The following CNTNAP2 variants were observed in gnomAD, a reference collection of about 807,000 sequenced individuals.
CNTNAP2 encodes the protein contactin-associated protein-like 2.
In CNTNAP2, 98 loss-of-function variants were observed where a neutral mutation model predicts 155.2. The ratio of observed to expected loss-of-function variants is 0.63; its 90% confidence interval spans 0.54 to 0.75. CNTNAP2 has a LOEUF of 0.75. CNTNAP2 is among the 30% of genes least tolerant of loss of function. The pLI, the probability that CNTNAP2 is intolerant of heterozygous loss-of-function variation, is 0.00. For synonymous variants in CNTNAP2, 651 were observed against 631.2 expected, an observed-to-expected ratio of 1.03 and a Z score of -0.47; for missense variants, 1,727 against 1,688.1, an observed-to-expected ratio of 1.02 and a Z score of -0.40.
intron 14 of CNTNAP2, among the ~76,000 whole-genome samples, chr7:147,976,964 G>T (rs1364343663): frequency 6.6e-6 from 1 of 151,922 alleles, no homozygotes; most frequent in Non-Finnish European, 1.5e-5. Context: ...ACACTGCTTT[G>T]TGCCTCCCAC....
At chr7:147,345,875 G>T (rs967191988) in intron 9 of CNTNAP2, among the ~76,000 whole-genome samples, 7 of 152,094 alleles carry the variant, frequency 4.6e-5, no homozygotes, top group African/African-American at 7.2e-5. Context: ...TTGTAGCAAG[G>T]AACTAGAATC....
chr7:148,037,575 TC>T (rs1802594547), intron 15 of CNTNAP2, among the ~76,000 whole-genome samples: 1 of 152,126 alleles, frequency 6.6e-6, no homozygotes, highest in South Asian at 2.1e-4. Flanking sequence ...AATACAGTAG[TC>T]CCCCCTTGTC....
At chr7:147,487,747 G>T (rs1434227083) in intron 11 of CNTNAP2, among the ~76,000 whole-genome samples, 5 of 152,068 alleles carry the variant, frequency 3.3e-5, no homozygotes, top group African/African-American at 1.2e-4. Context: ...AGTAGCTGAG[G>T]TTTGTTTTGT....
chr7:146,204,119 G>A (rs1479684959), intron 1 of CNTNAP2, among the ~76,000 whole-genome samples: 1 of 151,990 alleles, frequency 6.6e-6, no homozygotes, highest in Non-Finnish European at 1.5e-5. Context: ...GAAAATTCTT[G>A]TAAAACTTTG....
intron 13 of CNTNAP2, among the ~76,000 whole-genome samples, chr7:147,666,620 C>T (rs772864768): frequency 1.3e-5 from 2 of 152,186 alleles, no homozygotes; most frequent in Non-Finnish European, 2.9e-5. Context: ...CCAGCAGCAG[C>T]CTCATACATC....
intron 3 of CNTNAP2, among the ~76,000 whole-genome samples, chr7:147,015,090 G>GTTTTTTTTTTTTTTTTTTTTTT (rs756258642): frequency 6.9e-6 from 1 of 144,098 alleles, no homozygotes. Context: ...TGACACAGTG[G>GTTTTTTTTTTTTTTTTTTTTTT]TTTTTTTTTT....
At chr7:146,694,177 C>T (rs897902528) in intron 1 of CNTNAP2, among the ~76,000 whole-genome samples, 4 of 152,118 alleles carry the variant, frequency 2.6e-5, no homozygotes, top group African/African-American at 9.6e-5. Context: ...AATTAAAACT[C>T]AGCATCTAGA....
intron 12 of CNTNAP2, among the ~76,000 whole-genome samples, chr7:147,620,678 G>A (rs1476613779): frequency 6.6e-6 from 1 of 151,862 alleles, no homozygotes; most frequent in Non-Finnish European, 1.5e-5. Flanking sequence ...CAGGTTATTT[G>A]AAAATGCACA....
chr7:146,766,650 C>T (rs577433062), intron 1 of CNTNAP2, among the ~76,000 whole-genome samples: 1 of 152,180 alleles, frequency 6.6e-6, no homozygotes, highest in Non-Finnish European at 1.5e-5. Context: ...CTACCCATCT[C>T]AATGGGTTAC....
At chr7:147,414,078 G>A (rs1842274) in intron 10 of CNTNAP2, among the ~76,000 whole-genome samples, 26,587 of 151,992 alleles carry the variant, frequency 0.17, 2,946 homozygotes, top group Non-Finnish European at 0.25. Context: ...CATGTTTTAC[G>A]TTACATATTA....
chr7:146,250,001 C>T lies in CNTNAP2; in HGVS notation c.97+133028C>T, dbSNP rs932358951. ...TACATTTTATTTTAAAATTCCTGCC[C>T]GTCTTTTTCTCTTGAAGAGATAAGA... On this transcript the variant is annotated intron_variant, in intron 1 of 23. Transcript: ENST00000361727. Among the ~76,000 whole-genome samples the T allele has an allele frequency of 4.6e-5, 7 of 152,080 alleles. 1 individual carries two copies. Among genetic ancestry groups the T allele is most frequent in the Admixed American group, 3.3e-4 (5 of 15,262 alleles).
rs141459046 is a variant in CNTNAP2, at chr7:146,339,714, G to T, written c.97+222741G>T. ...ATAAACAAAAGTAGATGTGAATGAAGCCAAGAAACTCCTAGTGATATAACA... is the reference window on the plus strand; with the variant it reads ...ATAAACAAAAGTAGATGTGAATGAATCCAAGAAACTCCTAGTGATATAACA... On this transcript the variant is annotated intron_variant, in intron 1 of 23. Transcript: ENST00000361727. Among the ~76,000 whole-genome samples, 175 of 152,184 alleles carry T rather than the reference G, an allele frequency of 1.1e-3. 2 individuals are homozygous for T. In the East Asian group the frequency reaches 0.031, roughly 27 times the overall value.
Position 148,051,869 on chromosome 7 carries a change from G to T in CNTNAP2, c.2384-66249G>T, listed in dbSNP as rs535522690. 2.2e-4 allele frequency among the ~76,000 whole-genome samples: 33 copies of T among 152,290 alleles called. 2 individuals are homozygous for T. The highest frequency in any genetic ancestry group is 2.1e-3 in the East Asian group (11 of 5,164). ...TAAAAAGCCCTTGTGGCTGGGCACA[G>T]TGGCTCACGCCTGTAATCCCAGCAG... is the stretch of plus-strand genomic sequence containing the variant. On this transcript the variant is annotated intron_variant, in intron 15 of 23. Transcript: ENST00000361727.
At chr7:147,449,716 T>C (rs1009346426) in intron 10 of CNTNAP2, among the ~76,000 whole-genome samples, 1 of 152,072 alleles carries the variant, frequency 6.6e-6, no homozygotes, top group Admixed American at 6.5e-5. Flanking sequence ...AGAATCTAAT[T>C]CTTAGAATGG....
intron 8 of CNTNAP2, among the ~76,000 whole-genome samples, chr7:147,180,547 A>C (rs1452783634): frequency 1.3e-5 from 2 of 152,206 alleles, no homozygotes; most frequent in Admixed American, 1.3e-4. Flanking sequence ...AAGTAGATAT[A>C]GAAATATAGT....
intron 8 of CNTNAP2, among the ~76,000 whole-genome samples, chr7:147,271,349 G>T (rs1804749970): frequency 6.6e-6 from 1 of 152,088 alleles, no homozygotes; most frequent in African/African-American, 2.4e-5. Flanking sequence ...AATTTTTGCA[G>T]CATGATGTCT....
At chr7:147,751,435 GA>G (rs1477518835) in intron 13 of CNTNAP2, among the ~76,000 whole-genome samples, 1 of 149,170 alleles carries the variant, frequency 6.7e-6, no homozygotes, top group Non-Finnish European at 1.5e-5. Context: ...AAATTATAGA[GA>G]ATTTATGATC....
chr7:146,857,942 G>A (rs1795023309), intron 3 of CNTNAP2, among the ~76,000 whole-genome samples: 1 of 151,518 alleles, frequency 6.6e-6, no homozygotes, highest in East Asian at 1.9e-4. Flanking sequence ...ATAAAACTGT[G>A]AATATGCTTT....
chr7:146,718,741 A>G (rs983829617), intron 1 of CNTNAP2, among the ~76,000 whole-genome samples: 1 of 151,836 alleles, frequency 6.6e-6, no homozygotes, highest in African/African-American at 2.4e-5. Flanking sequence ...TGCTACTGTG[A>G]CTCCCTCTCC....
Sources: allele counts gnomAD v4.1 joint callset (sites outside exome capture counted in the v4.1 genomes callset), GRCh38; gene constraint gnomAD v4.1.1; transcripts MANE v1.5; gene names NCBI Gene and HGNC (gene_info 2026-07-23, HGNC 2026-07-21).